The following RRP1B variants were observed in gnomAD, a reference collection of about 807,000 sequenced individuals.
The protein encoded by RRP1B is ribosomal RNA processing 1B, also known as ribosomal RNA processing protein 1 homolog B.
A neutral mutation model predicts 80.2 loss-of-function variants in RRP1B; 56 were observed. The observed-to-expected ratio is 0.70, with a 90% CI of 0.56 to 0.87. RRP1B has a LOEUF of 0.87. Ranked by LOEUF, RRP1B falls within the 40% of genes least tolerant of loss-of-function variation. RRP1B has a pLI of 0.00. For synonymous variants in RRP1B, 351 were observed against 357.6 expected (o/e 0.98, Z 0.21); for missense variants, 807 against 939.8 (o/e 0.86, Z 1.85).
intron 8 of RRP1B, among the ~76,000 whole-genome samples, chr21:43,680,858 T>C (rs992201945): frequency 2.0e-5 from 3 of 152,150 alleles, no homozygotes; most frequent in Non-Finnish European, 4.4e-5. Context: ...AATGTTAGTA[T>C]AGTTAGCTGT....
chr21:43,677,623 G>A (rs188944217), intron 8 of RRP1B, among the ~76,000 whole-genome samples: 1 of 152,146 alleles, frequency 6.6e-6, no homozygotes, highest in South Asian at 2.1e-4. Context: ...TTTAAAGCAG[G>A]GTACAAACTC....
Position 43,677,502 on chromosome 21 carries a change from A to G in RRP1B, c.796+588A>G, listed in dbSNP as rs184977983. 2.7e-4 allele frequency among the ~76,000 whole-genome samples: 41 copies of G among 152,350 alleles called. 1 individual carries two copies. Among genetic ancestry groups the G allele is most frequent in the Admixed American group, 1.8e-3 (28 of 15,306 alleles). ...CATCTGAATGCACAAAATAAGGGAA[A>G]TGGTTAGATCACAGCTTACCCATGC... is the stretch of plus-strand genomic sequence containing the variant. On this transcript the variant is annotated intron_variant, in intron 8 of 15. Coordinates refer to ENST00000340648, the MANE Select transcript of RRP1B (RefSeq NM_015056.3).
At position 43,659,701 on chromosome 21, in the gene RRP1B, G is replaced by A. The variant is rs953547365; in HGVS notation, c.37G>A (p.Ala13Thr). Residue 13 changes from alanine (A) to threonine (T), a missense_variant, in exon 1 of 16, where the codon GCC becomes ACC. Coordinates refer to ENST00000340648, the MANE Select transcript of RRP1B (RefSeq NM_015056.3). This position sits in a 1 kb window ranked among gnomAD's most constrained non-coding sequence, Gnocchi z 4.2. ...PAMQPAEIQF[A>T]QRLASSEKGI... Reference sequence around the variant, plus strand: ...CATGCAGCCGGCCGAGATCCAATTTGCCCAGCGGCTGGCGTCCAGCGAGAA... The same window carrying A: ...CATGCAGCCGGCCGAGATCCAATTTACCCAGCGGCTGGCGTCCAGCGAGAA... 26 of 1,530,428 alleles carry A rather than the reference G, an allele frequency of 1.7e-5. No individual in the cohort carries two copies. In the East Asian group the frequency reaches 6.2e-4, roughly 37 times the overall value. 94.8% of individuals were successfully genotyped at this position (1,530,428 alleles called of 1,614,324 possible).
At chr21:43,685,549 C>T (rs1601759717) in intron 10 of RRP1B, among the ~76,000 whole-genome samples, 2 of 152,270 alleles carry the variant, frequency 1.3e-5, no homozygotes, top group African/African-American at 2.4e-5. Flanking sequence ...TAACCGAGGG[C>T]GGCACTGGCC....
chr21:43,690,193 G>T (rs1400940390), intron 13 of RRP1B, 95 bp from the exon 14 acceptor site: 4 of 1,455,568 alleles, frequency 2.7e-6, no homozygotes, highest in East Asian at 4.8e-5. Context: ...GGCTGGATCT[G>T]CCTGGGGCTC....
chr21:43,659,601 G>A lies in RRP1B; in HGVS notation c.-64G>A. On this transcript the variant is annotated 5_prime_UTR_variant, in exon 1 of 16. Transcript: ENST00000340648. This position sits in a 1 kb window ranked among gnomAD's most constrained non-coding sequence, Gnocchi z 4.2. ...CGGGCGGACGGTGGCTGGCTGCTCC[G>A]CAGCGCTCGGCTGGCTGCAGCGGCA... The A allele has an allele frequency of 3.0e-6, 4 of 1,340,930 alleles. No individual in the cohort carries two copies. Among genetic ancestry groups the A allele is most frequent in the Non-Finnish European group, 3.8e-6 (4 of 1,047,404 alleles). The allele number at this position is 1,340,930 out of a possible 1,614,324, so 83.1% of individuals were successfully genotyped here. A position where few individuals can be genotyped will look rare whatever the true frequency, so the allele number is the denominator to read the frequency against.
chr21:43,682,356 A>T (rs1004421282), intron 8 of RRP1B, among the ~76,000 whole-genome samples: 1 of 152,174 alleles, frequency 6.6e-6, no homozygotes, highest in Non-Finnish European at 1.5e-5. Context: ...ATGTCGCACC[A>T]CTAATAAGCT....
intron 1 of RRP1B, among the ~76,000 whole-genome samples, chr21:43,666,747 T>C (rs1057470715): frequency 6.6e-6 from 1 of 151,732 alleles, no homozygotes; most frequent in African/African-American, 2.4e-5. Flanking sequence ...CTTAATAGCA[T>C]GAAATATCCA....
rs374914087 is a variant in RRP1B, at chr21:43,691,523, G to C, written c.2083+21G>C. On this transcript the variant is annotated intron_variant, in intron 15 of 15. Coordinates refer to ENST00000340648, the MANE Select transcript of RRP1B (RefSeq NM_015056.3). The surrounding 1 kb of genome is among the most constrained non-coding windows in gnomAD (Gnocchi z 4.2). ...TGCCGGTAAGTGGGGTTTTGCCAGC[G>C]GCAAGCTTCTCTGGAGCACAGCTGC... The C allele has an allele frequency of 3.7e-6, 6 of 1,612,782 alleles. No individual in the cohort carries two copies. The highest frequency in any genetic ancestry group is 2.2e-5 in the East Asian group (1 of 44,870).
At chr21:43,681,928 G>A (rs2083045212) in intron 8 of RRP1B, among the ~76,000 whole-genome samples, 1 of 152,174 alleles carries the variant, frequency 6.6e-6, no homozygotes, top group African/African-American at 2.4e-5. Flanking sequence ...TGCGTCCTGG[G>A]CAACAGAGCT....
intron 1 of RRP1B, among the ~76,000 whole-genome samples, chr21:43,668,522 C>G (rs755618006): frequency 6.6e-6 from 1 of 151,922 alleles, no homozygotes; most frequent in Non-Finnish European, 1.5e-5. Context: ...CGCCCGCCAC[C>G]ATACCCGGCT....
intron 1 of RRP1B, among the ~76,000 whole-genome samples, chr21:43,660,496 A>T (rs2082948370): frequency 6.6e-6 from 1 of 152,204 alleles, no homozygotes; most frequent in Non-Finnish European, 1.5e-5. Context: ...TGGGAGGCGG[A>T]GGTTGCGGTG....
Position 43,675,044 on chromosome 21 carries a change from G to C in RRP1B, c.430G>C (p.Val144Leu), listed in dbSNP as rs1417619208. 1 of 1,614,018 alleles carries C rather than the reference G, an allele frequency of 6.2e-7. No homozygotes were observed. ...CGTTTGGTTCTTTAGCCGAATCAAG[G>C]TTTTCTTGGATGTCCTGATGAAGGA... ...RNGWEESRIKVFLDVLMKEVL... is the reference protein window; with the variant it reads ...RNGWEESRIKLFLDVLMKEVL... Residue 144 changes from valine to leucine, a missense_variant, in exon 6 of 16, where the codon GTT (valine) becomes CTT (leucine). Val to Leu is a conservative substitution (Grantham distance 32, BLOSUM62 1). Transcript: ENST00000340648.
intron 1 of RRP1B, among the ~76,000 whole-genome samples, chr21:43,666,633 G>A (rs1055103356): frequency 9.3e-5 from 14 of 150,964 alleles, no homozygotes; most frequent in African/African-American, 2.4e-4. Flanking sequence ...CAGGAGAATC[G>A]CTTGAACCTG....
intron 8 of RRP1B, among the ~76,000 whole-genome samples, chr21:43,680,707 C>T (rs1469128854): frequency 6.6e-6 from 1 of 152,050 alleles, no homozygotes; most frequent in Non-Finnish European, 1.5e-5. Flanking sequence ...ACCACAAGCA[C>T]ACACCTCTTT....
At chr21:43,687,070 A>G in intron 12 of RRP1B, 135 bp downstream of exon 12, 1 of 1,044,390 alleles carries the variant, frequency 9.6e-7, no homozygotes, top group Non-Finnish European at 1.4e-6. Flanking sequence ...TTAATGGCTG[A>G]GAGGTAAAGG....
chr21:43,686,839 A>G lies in RRP1B; in HGVS notation c.1045A>G (p.Ile349Val). 5 of 1,614,142 alleles carry G rather than the reference A, an allele frequency of 3.1e-6. No individual in the cohort carries two copies. Among genetic ancestry groups the G allele is most frequent in the East Asian group, 2.2e-5 (1 of 44,890 alleles). The change falls in exon 12 of 16, where the codon ATT becomes GTT. Residue 349 changes from isoleucine (I) to valine (V), a missense_variant. Ile to Val is a conservative substitution (Grantham distance 29). Transcript: ENST00000340648. Reference protein sequence around the residue: ...SISQLSFAEDISADEDDQILS... With the variant: ...SISQLSFAEDVSADEDDQILS... ...ATCTCAACTCAGTTTTGCGGAGGACATTTCTGCTGATGAAGATGACCAAAT... is the reference window on the plus strand; with the variant it reads ...ATCTCAACTCAGTTTTGCGGAGGACGTTTCTGCTGATGAAGATGACCAAAT...
chr21:43,687,517 A>G lies in RRP1B; in HGVS notation c.1143A>G (p.Gly381=), dbSNP rs1256242918. Residue 381 remains glycine (G), a splice_region_variant and synonymous_variant, in exon 13 of 16, where the codon GGA becomes GGG. Coordinates refer to ENST00000340648, the MANE Select transcript of RRP1B (RefSeq NM_015056.3). ...LEKTNLEKEK[G]SRVFCVEEED... The stretch of plus-strand genomic sequence containing the variant: ...GTTGATGGGTTTCTGTCTTTTTAGG[A>G]AGCAGAGTCTTTTGTGTAGAGGAAG... The G allele has an allele frequency of 2.0e-6, 3 of 1,478,898 alleles. No homozygotes were observed. Among genetic ancestry groups the G allele is most frequent in the Non-Finnish European group, 2.7e-6 (3 of 1,120,296 alleles). The allele number at this position is 1,478,898 out of a possible 1,614,324, so 91.6% of individuals were successfully genotyped here. A position where few individuals can be genotyped will look rare whatever the true frequency, so the allele number is the denominator to read the frequency against.
intron 1 of RRP1B, among the ~76,000 whole-genome samples, chr21:43,666,966 T>C (rs561549594): frequency 1.2e-4 from 19 of 152,226 alleles, no homozygotes; most frequent in Non-Finnish European, 2.4e-4. Flanking sequence ...TCCTGTTGTC[T>C]CACTTACCAT....
Sources: gnomAD v4.1 joint callset for allele counts (sites outside exome capture counted in the v4.1 genomes callset) on GRCh38, gnomAD v4.1.1 for gene constraint, Gnocchi (gnomAD v3.1) non-coding constraint, MANE v1.5 for transcripts, NCBI Gene and HGNC (gene_info 2026-07-23, HGNC 2026-07-21) for gene names.